The following ARHGEF7 variants were observed in gnomAD, a reference collection of about 807,000 sequenced individuals.
The protein encoded by ARHGEF7 is Rho guanine nucleotide exchange factor 7, also known as PAK-interacting exchange factor beta.
A neutral mutation model predicts 109.8 loss-of-function variants in ARHGEF7; 33 were observed. The observed-to-expected ratio is 0.30, with a 90% CI of 0.23 to 0.40. ARHGEF7 has a LOEUF of 0.40. ARHGEF7 is among the 10% of genes least tolerant of loss of function. The pLI is 1.00. For synonymous variants in ARHGEF7, 458 were observed against 424.6 expected (o/e 1.08, Z -0.97); for missense variants, 938 against 1,098.5 (o/e 0.85, Z 2.07).
rs1011889492 is a variant in ARHGEF7, at chr13:111,228,510, T to C, written c.671-4695T>C. Among the ~76,000 whole-genome samples, 2 of 152,208 alleles carry C rather than the reference T, an allele frequency of 1.3e-5. No homozygotes were observed. Among genetic ancestry groups the C allele is most frequent in the Non-Finnish European group, 2.9e-5 (2 of 68,030 alleles). On this transcript the variant is annotated intron_variant, in intron 5 of 21. Transcript: ENST00000646102. This position sits in a 1 kb window ranked among gnomAD's most constrained non-coding sequence, Gnocchi z 4.6. ...GCTCGATGCTGAGGACTGCTAACACTGTTAAGAGTCTATACGTGGTCATTC... is the reference window on the plus strand; with the variant it reads ...GCTCGATGCTGAGGACTGCTAACACCGTTAAGAGTCTATACGTGGTCATTC...
chr13:111,203,396 TTAAATAA>T (rs1292670701), intron 2 of ARHGEF7, among the ~76,000 whole-genome samples: 1 of 152,274 alleles, frequency 6.6e-6, no homozygotes, highest in African/African-American at 2.4e-5. Flanking sequence ...GGATTTCTTC[TTAAATAA>T]TAAATATTAC....
At chr13:111,138,329 A>G (rs2075184474) in intron 1 of ARHGEF7, among the ~76,000 whole-genome samples, 1 of 151,912 alleles carries the variant, frequency 6.6e-6, no homozygotes, top group South Asian at 2.1e-4. Flanking sequence ...AAACAAAAAA[A>G]AATTAGCCGG....
At chr13:111,178,578 A>G (rs2078398925) in intron 2 of ARHGEF7, among the ~76,000 whole-genome samples, 1 of 152,150 alleles carries the variant, frequency 6.6e-6, no homozygotes, top group Non-Finnish European at 1.5e-5. Flanking sequence ...AAAAATGCTG[A>G]CCCCAGCATC....
At position 111,280,647 on chromosome 13, in the gene ARHGEF7, C is replaced by T; in HGVS notation, c.1695C>T (p.Thr565=). 6.2e-7 allele frequency: 1 copy of T among 1,607,240 alleles called. No homozygotes were observed. Among genetic ancestry groups the T allele is most frequent in the Non-Finnish European group, 8.5e-7 (1 of 1,177,214 alleles). Residue 565 remains threonine, a synonymous_variant, in exon 15 of 22, where the codon ACC becomes ACT. Transcript: ENST00000646102. ...QTKVTSVGNP[T]IKPHSVPSHT... Reference sequence around the variant, plus strand: ...AGGTCACGTCTGTGGGAAACCCCACCATAAAGCCTCATTCAGTGCCATCTC... The same window carrying T: ...AGGTCACGTCTGTGGGAAACCCCACTATAAAGCCTCATTCAGTGCCATCTC...
intron 3 of ARHGEF7, among the ~76,000 whole-genome samples, chr13:111,207,425 C>A (rs1341073522): frequency 6.6e-6 from 1 of 152,190 alleles, no homozygotes; most frequent in East Asian, 1.9e-4. Flanking sequence ...GCCTTGGCCT[C>A]CCGAAGTGCT....
Position 111,228,775 on chromosome 13 carries a change from A to G in ARHGEF7, c.671-4430A>G, listed in dbSNP as rs189879089. On this transcript the variant is annotated intron_variant, in intron 5 of 21. Transcript: ENST00000646102. The surrounding 1 kb of genome is among the most constrained non-coding windows in gnomAD (Gnocchi z 4.6). ...ACTCTGAGTGCGTGAGTAACAGCCA[A>G]CAAACCACGCACAGAGCCCCAGCAC... 3.2e-3 allele frequency among the ~76,000 whole-genome samples: 488 copies of G among 152,136 alleles called. 1 individual carries two copies. The highest frequency in any genetic ancestry group is 5.6e-3 in the Non-Finnish European group (380 of 67,978).
intron 2 of ARHGEF7, among the ~76,000 whole-genome samples, chr13:111,154,993 A>G (rs1006142355): frequency 1.1e-4 from 17 of 152,108 alleles, no homozygotes; most frequent in African/African-American, 4.1e-4. Flanking sequence ...ATACTGGAGG[A>G]GGGGGAAACC....
intron 19 of ARHGEF7, chr13:111,295,146 TAAA>T (rs201571809): frequency 2.3e-5 from 23 of 985,074 alleles, no homozygotes; most frequent in African/African-American, 1.2e-4. Flanking sequence ...TGTTTTATAT[TAAA>T]AAAAACCTGT....
intron 1 of ARHGEF7, chr13:111,122,589 G>C (rs2067269421): frequency 6.6e-6 from 1 of 152,264 alleles, no homozygotes; most frequent in Non-Finnish European, 1.5e-5. Context: ...AACTGAAATG[G>C]AATGTGTGCA....
intron 8 of ARHGEF7, among the ~76,000 whole-genome samples, chr13:111,264,597 T>C (rs1275412537): frequency 1.3e-5 from 2 of 152,144 alleles, no homozygotes; most frequent in African/African-American, 4.8e-5. Context: ...GTTGTGCTTC[T>C]GTGAGCCCCC....
At chr13:111,267,378 C>G (rs892631573) in intron 8 of ARHGEF7, among the ~76,000 whole-genome samples, 170 bp from the exon 9 acceptor site, 1 of 152,034 alleles carries the variant, frequency 6.6e-6, no homozygotes, top group African/African-American at 2.4e-5. Context: ...GCCCCTTCTC[C>G]TTGCTAGACT....
chr13:111,153,850 C>T (rs1161317623), intron 1 of ARHGEF7, 55 bp from the exon 2 acceptor site: 12 of 1,572,222 alleles, frequency 7.6e-6, no homozygotes, highest in African/African-American at 1.4e-5. Flanking sequence ...TCGGCCTTGT[C>T]CGCGGCGTCC....
intron 2 of ARHGEF7, among the ~76,000 whole-genome samples, chr13:111,191,418 G>A (rs988233359): frequency 1.3e-5 from 2 of 152,318 alleles, no homozygotes; most frequent in Admixed American, 6.5e-5. Context: ...ATGTAAGAAC[G>A]TAAAAGTTGG....
chr13:111,158,752 A>T (rs911159733), intron 2 of ARHGEF7, among the ~76,000 whole-genome samples: 1 of 152,234 alleles, frequency 6.6e-6, no homozygotes, highest in Non-Finnish European at 1.5e-5. Context: ...ATTGACAAAT[A>T]GTTGCATGTA....
intron 6 of ARHGEF7, among the ~76,000 whole-genome samples, chr13:111,233,900 CTG>C (rs935520922): frequency 6.6e-6 from 1 of 152,170 alleles, no homozygotes; most frequent in Non-Finnish European, 1.5e-5. Context: ...GGTACTAAAT[CTG>C]TGTCGTCTAA....
intron 2 of ARHGEF7, among the ~76,000 whole-genome samples, chr13:111,201,311 A>G (rs1333216792): frequency 6.6e-6 from 1 of 152,234 alleles, no homozygotes; most frequent in Non-Finnish European, 1.5e-5. Flanking sequence ...TGTATTTCAC[A>G]GAGGGCAAGA....
chr13:111,238,466 G>A (rs926157428), intron 6 of ARHGEF7, among the ~76,000 whole-genome samples: 8 of 152,204 alleles, frequency 5.3e-5, no homozygotes, highest in Non-Finnish European at 7.3e-5. Context: ...GGAACAGAAG[G>A]CATCACTGAG....
intron 2 of ARHGEF7, among the ~76,000 whole-genome samples, chr13:111,156,080 CAAAAAAAAA>C (rs56803261): frequency 1.6e-5 from 2 of 123,694 alleles, no homozygotes; most frequent in African/African-American, 6.1e-5. Context: ...AAGACTCCCT[CAAAAAAAAA>C]AAAAAAAAAA....
chr13:111,221,756 C>T (rs919589378), intron 5 of ARHGEF7, among the ~76,000 whole-genome samples: 1 of 150,562 alleles, frequency 6.6e-6, no homozygotes, highest in Non-Finnish European at 1.5e-5. Context: ...TTAGTTCTGT[C>T]CCTCTATTAC....
Sources: allele counts gnomAD v4.1 joint callset (sites outside exome capture counted in the v4.1 genomes callset), GRCh38; gene constraint gnomAD v4.1.1; non-coding constraint Gnocchi (gnomAD v3.1); transcripts MANE v1.5; gene names NCBI Gene and HGNC (gene_info 2026-07-23, HGNC 2026-07-21).